The following DMWD variants were observed in gnomAD, a reference collection of about 807,000 sequenced individuals.
The protein encoded by DMWD is DM1 locus, WD repeat containing.
DMWD carries 19 observed loss-of-function variants against 45.8 expected under a neutral mutation model. The ratio of observed to expected loss-of-function variants is 0.41; its 90% confidence interval spans 0.29 to 0.61. DMWD has a LOEUF of 0.61. DMWD is among the 20% of genes least tolerant of loss of function. The pLI is 0.25. For synonymous variants in DMWD, 515 were observed against 440.5 expected (o/e 1.17, Z -2.12); for missense variants, 802 against 965.2 (o/e 0.83, Z 2.24).
intron 2 of DMWD, chr19:45,787,094 C>T (rs1970290714): frequency 1.3e-6 from 1 of 788,284 alleles, no homozygotes; most frequent in East Asian, 2.7e-5. Context: ...GCAAGGTGGC[C>T]ACAGGGTGCT....
chr19:45,785,999 T>TG lies in DMWD; in HGVS notation c.1496dup (p.Ala500SerfsTer192). 1 of 1,566,922 alleles carries TG rather than the reference T, an allele frequency of 6.4e-7. No individual in the cohort carries two copies. The highest frequency in any genetic ancestry group is 8.6e-7 in the Non-Finnish European group (1 of 1,156,948). On this transcript the variant is annotated frameshift_variant, in exon 3 of 5. Coordinates refer to ENST00000270223, the MANE Select transcript of DMWD (RefSeq NM_004943.2). LOFTEE classifies it high-confidence loss of function. Reference sequence around the variant, plus strand: ...GGCCGCCCGCCTTGCCCCCGCCAGCTGGGTGCGGGAGACTGTTGGAGCGGG... The same window carrying TG: ...GGCCGCCCGCCTTGCCCCCGCCAGCTGGGGTGCGGGAGACTGTTGGAGCGGG...
Position 45,792,507 on chromosome 19 carries a change from C to A in DMWD, c.250G>T (p.Gly84Cys). 8.7e-7 allele frequency: 1 copy of A among 1,150,326 alleles called. No homozygotes were observed. The highest frequency in any genetic ancestry group is 1.1e-6 in the Non-Finnish European group (1 of 932,696). The allele number at this position is 1,150,326 out of a possible 1,614,324, so 71.3% of individuals were successfully genotyped here. ...GGCAGGGCGGGCCCGGGTCCGGGGC[C>A]TGCGGGCGGCGGGGACGACGCGGGG... ...AGPASSPPPAGPGPGPALPAV... is the reference protein window; with the variant it reads ...AGPASSPPPACPGPGPALPAV... The change falls in exon 1 of 5, where the codon GGC becomes TGC. Residue 84 changes from glycine (G) to cysteine (C), a missense_variant. By Grantham distance (159) the Gly-to-Cys change is radical. Coordinates refer to ENST00000270223, the MANE Select transcript of DMWD (RefSeq NM_004943.2).
Position 45,784,093 on chromosome 19 carries a change from G to A in DMWD, c.*150C>T, listed in dbSNP as rs763580488. ...ATCGCCCGTGTCCGGGCCAGTCTGG[G>A]GGGCCCCCAAATTTTGTGCAGGTGG... On this transcript the variant is annotated 3_prime_UTR_variant, in exon 5 of 5. Coordinates refer to ENST00000270223, the MANE Select transcript of DMWD (RefSeq NM_004943.2). The A allele has an allele frequency of 6.9e-6, 5 of 723,032 alleles. No homozygotes were observed. 44.8% of individuals were successfully genotyped at this position (723,032 alleles called of 1,614,324 possible).
At chr19:45,792,250 C>T (rs1970364560) in intron 1 of DMWD, 66 bp downstream of exon 1, 2 of 1,547,864 alleles carry the variant, frequency 1.3e-6, no homozygotes, top group Non-Finnish European at 1.7e-6. Context: ...TTCGGGGACC[C>T]TCCTATCAGT....
rs1396798729 is a variant in DMWD, at chr19:45,792,740, G to C, written c.17C>G (p.Ala6Gly). 4 of 1,145,364 alleles carry C rather than the reference G, an allele frequency of 3.5e-6. No individual in the cohort carries two copies. The highest frequency in any genetic ancestry group is 4.3e-6 in the Non-Finnish European group (4 of 929,822). 71.0% of individuals were successfully genotyped at this position (1,145,364 alleles called of 1,614,324 possible). MAAGG[A>G]EGGSGPGAAM... The stretch of plus-strand genomic sequence containing the variant: ...GGCGCCGGGGCCCGAGCCGCCCTCC[G>C]CGCCGCCCGCCGCCATCTTGGGCGC... Residue 6 changes from alanine (A) to glycine (G), a missense_variant, in exon 1 of 5, where the codon GCG (alanine) becomes GGG (glycine). Coordinates refer to ENST00000270223, the MANE Select transcript of DMWD (RefSeq NM_004943.2).
In DMWD at chr19:45,784,069, T is replaced by C. The variant is rs1341827168; in HGVS notation, c.*174A>G. ...GGCTGAGGCCACAAGGGCTATTACA[T>C]CGCCCGTGTCCGGGCCAGTCTGGGG... On this transcript the variant is annotated 3_prime_UTR_variant, in exon 5 of 5. Coordinates refer to ENST00000270223, the MANE Select transcript of DMWD (RefSeq NM_004943.2). 6 of 660,428 alleles carry C rather than the reference T, an allele frequency of 9.1e-6. No individual in the cohort carries two copies. Among genetic ancestry groups the C allele is most frequent in the Non-Finnish European group, 1.6e-5 (6 of 370,128 alleles). The allele number at this position is 660,428 out of a possible 1,614,324, so 40.9% of individuals were successfully genotyped here.
chr19:45,784,227 C>T lies in DMWD; in HGVS notation c.*16G>A. On this transcript the variant is annotated 3_prime_UTR_variant, in exon 5 of 5. Coordinates refer to ENST00000270223, the MANE Select transcript of DMWD (RefSeq NM_004943.2). ...GGCTGGGGGCATGGGGTTGGGGGGG[C>T]CCGATATCCATGGCTTCACACCACT... 1 of 1,555,984 alleles carries T rather than the reference C, an allele frequency of 6.4e-7. No individual in the cohort carries two copies. The highest frequency in any genetic ancestry group is 1.2e-5 in the South Asian group (1 of 82,292).
intron 2 of DMWD, 104 bp from the exon 3 acceptor site, chr19:45,786,975 C>G: frequency 6.7e-7 from 1 of 1,502,498 alleles, no homozygotes; most frequent in Non-Finnish European, 8.9e-7. Context: ...TGGCCCCGCT[C>G]ACACAGCAGG....
intron 2 of DMWD, among the ~76,000 whole-genome samples, chr19:45,787,798 T>C (rs1319904156): frequency 6.6e-6 from 1 of 152,224 alleles, no homozygotes; most frequent in Non-Finnish European, 1.5e-5. Flanking sequence ...CTGGGCGTGG[T>C]GGCTCACGCC....
chr19:45,789,066 T>C (rs1456524325), intron 2 of DMWD, among the ~76,000 whole-genome samples: 3 of 152,154 alleles, frequency 2.0e-5, no homozygotes, highest in Non-Finnish European at 4.4e-5. Flanking sequence ...CCTCAGCCCC[T>C]TCCCCACTGC....
chr19:45,790,665 TAAAA>T (rs1357444363), intron 2 of DMWD: 3 of 370,616 alleles, frequency 8.1e-6, no homozygotes, highest in Non-Finnish European at 9.7e-6. Flanking sequence ...AATAAATAAA[TAAAA>T]GAAAGAAAGA....
intron 1 of DMWD, 95 bp from the exon 2 acceptor site, chr19:45,791,182 G>C: frequency 7.5e-7 from 1 of 1,338,266 alleles, no homozygotes; most frequent in Admixed American, 2.3e-5. Context: ...AGGAAGCAGG[G>C]TTAGAACCCA....
chr19:45,785,233 A>G lies in DMWD; in HGVS notation c.1902+361T>C, dbSNP rs1035529333. On this transcript the variant is annotated intron_variant, in intron 3 of 4. Transcript: ENST00000270223. ...CTAGTTTTGGCCTGAAGTACTCAAA[A>G]AAGTTTCACGATTTAAAAAACAGAT... The G allele has an allele frequency of 4.8e-6, 5 of 1,046,278 alleles. No individual in the cohort carries two copies. The African/African-American group carries it at 6.7e-5, about 14-fold the overall frequency. 64.8% of individuals were successfully genotyped at this position (1,046,278 alleles called of 1,614,324 possible). A position where few individuals can be genotyped will look rare whatever the true frequency, so the allele number is the denominator to read the frequency against.
At chr19:45,790,143 T>A (rs1389828096) in intron 2 of DMWD, 1 of 150,484 alleles carries the variant, frequency 6.6e-6, no homozygotes, top group Non-Finnish European at 1.5e-5. Flanking sequence ...AGAGCGAGAC[T>A]CCATCTCAAA....
chr19:45,783,979 G>C lies in DMWD; in HGVS notation c.*264C>G. On this transcript the variant is annotated 3_prime_UTR_variant, in exon 5 of 5. Coordinates refer to ENST00000270223, the MANE Select transcript of DMWD (RefSeq NM_004943.2). Reference sequence around the variant, plus strand: ...GTGACCAGTCACATGCTGGGGACAGGGATGAGGGTAACACTGATGTTTCAG... The same window carrying C: ...GTGACCAGTCACATGCTGGGGACAGCGATGAGGGTAACACTGATGTTTCAG... 1 of 617,430 alleles carries C rather than the reference G, an allele frequency of 1.6e-6. No individual in the cohort carries two copies. Among genetic ancestry groups the C allele is most frequent in the South Asian group, 1.9e-5 (1 of 53,066 alleles). 38.2% of individuals were successfully genotyped at this position (617,430 alleles called of 1,614,324 possible). A position where few individuals can be genotyped will look rare whatever the true frequency, so the allele number is the denominator to read the frequency against.
At chr19:45,785,491 G>A (rs533385634) in intron 3 of DMWD, 103 bp downstream of exon 3, 4 of 1,410,684 alleles carry the variant, frequency 2.8e-6, no homozygotes, top group Non-Finnish European at 2.8e-6. Flanking sequence ...ACCCCACGGA[G>A]CCAGAGGCTG....
intron 1 of DMWD, 147 bp downstream of exon 1, chr19:45,792,169 T>C (rs1970363656): frequency 7.4e-7 from 1 of 1,350,544 alleles, no homozygotes; most frequent in East Asian, 3.2e-5. Flanking sequence ...CAGAATCCTG[T>C]ACTCCCTCCA....
At chr19:45,785,442 T>C in intron 3 of DMWD, 152 bp downstream of exon 3, 1 of 1,377,248 alleles carries the variant, frequency 7.3e-7, no homozygotes. Flanking sequence ...ATCTGAGAGG[T>C]CTTGTACTGA....
chr19:45,789,265 G>C (rs1032632062), intron 2 of DMWD: 1 of 152,236 alleles, frequency 6.6e-6, no homozygotes, highest in Non-Finnish European at 1.5e-5. Context: ...TTTGTGAATG[G>C]ATGAGCTAAT....
Sources: allele counts gnomAD v4.1 joint callset (sites outside exome capture counted in the v4.1 genomes callset), GRCh38; gene constraint gnomAD v4.1.1; transcripts MANE v1.5; gene names NCBI Gene and HGNC (gene_info 2026-07-23, HGNC 2026-07-21).